Variants in FRMPD4 observed in about 807,000 individuals in gnomAD.
FRMPD4 encodes the protein FERM and PDZ domain containing 4.
A neutral mutation model predicts 94.1 loss-of-function variants in FRMPD4; 22 were observed. The ratio of observed to expected loss-of-function variants is 0.23; its 90% CI spans 0.17 to 0.33. The LOEUF is 0.33. FRMPD4 is among the 10% of genes least tolerant of loss of function. The probability of loss-of-function intolerance (pLI) is 1.00; values close to 1 mark genes in which losing one functional copy is unlikely to be tolerated. For synonymous variants in FRMPD4, 631 were observed against 548.6 expected, an observed-to-expected ratio of 1.15 and a Z score of -2.10; for missense variants, 1,111 against 1,339.9, an observed-to-expected ratio of 0.83 and a Z score of 2.67.
At chrX:12,036,893 TG>T (rs34124763) in intron 3 of FRMPD4, among the ~76,000 whole-genome samples, 2 of 112,276 alleles carry the variant, frequency 1.8e-5, no homozygotes, top group African/African-American at 3.2e-5. Flanking sequence ...CACGGTAATG[TG>T]GGGATTTTCA....
At chrX:12,233,833 G>A (rs1201308942) in intron 1 of FRMPD4, among the ~76,000 whole-genome samples, 1 of 111,085 alleles carries the variant, frequency 9.0e-6, no homozygotes, top group Non-Finnish European at 1.9e-5. Context: ...GGCAGGACTT[G>A]GCTTTCTTCC....
chrX:12,194,166 A>G (rs1335752590), intron 1 of FRMPD4, among the ~76,000 whole-genome samples: 1 of 110,889 alleles, frequency 9.0e-6, no homozygotes, highest in Non-Finnish European at 1.9e-5. Context: ...CAAGTTCAGG[A>G]GGGCCTGTGT....
chrX:11,960,490 T>A lies in FRMPD4; in HGVS notation c.95+82472T>A, dbSNP rs370457901. On this transcript the variant is annotated intron_variant, in intron 3 of 18. Transcript: ENST00000640291. ...GAAATCATTGTCAGTTATCTCAGTT[T>A]CCTGATGCAATTTTTTAAAGATTCT... 2.7e-5 allele frequency among the ~76,000 whole-genome samples: 3 copies of A among 112,215 alleles called. No individual in the cohort carries two copies. In the East Asian group the frequency reaches 8.4e-4, roughly 31 times the overall value.
At chrX:12,179,101 G>A (rs1488027328) in intron 1 of FRMPD4, among the ~76,000 whole-genome samples, 4 of 111,731 alleles carry the variant, frequency 3.6e-5, no homozygotes, top group African/African-American at 1.3e-4. Context: ...AGACTTGTTT[G>A]GCAATGGCTC....
chrX:12,558,337 C>T lies in FRMPD4; in HGVS notation c.159-51384C>T, dbSNP rs753740174. On this transcript the variant is annotated intron_variant, in intron 2 of 16. Transcript: ENST00000675598. ...GGAAGTGAAAAAGTATAGGGTCATGCCTAACAAGTCATTGATAAAAAGAAA... is the reference window on the plus strand; with the variant it reads ...GGAAGTGAAAAAGTATAGGGTCATGTCTAACAAGTCATTGATAAAAAGAAA... Among the ~76,000 whole-genome samples, 15 of 112,527 alleles carry T rather than the reference C, an allele frequency of 1.3e-4. 1 individual carries two copies. The South Asian group carries it at 5.5e-3, about 41-fold the overall frequency.
intron 14 of FRMPD4, among the ~76,000 whole-genome samples, chrX:12,710,776 C>T (rs183835206): frequency 5.8e-5 from 6 of 103,593 alleles, no homozygotes; most frequent in African/African-American, 8.5e-5. Flanking sequence ...CATAGTGGCA[C>T]GCACCTGTAA....
chrX:12,359,627 G>A (rs1274579589), intron 1 of FRMPD4, among the ~76,000 whole-genome samples: 5 of 110,045 alleles, frequency 4.5e-5, no homozygotes, highest in African/African-American at 1.7e-4. Flanking sequence ...GCGTCACCAT[G>A]CCCAGCTAAT....
intron 1 of FRMPD4, among the ~76,000 whole-genome samples, chrX:12,326,852 C>T (rs2055296434): frequency 9.0e-6 from 1 of 110,630 alleles, no homozygotes; most frequent in Admixed American, 9.7e-5. Context: ...GTAGTAGCTA[C>T]TCAGGAGGCT....
chrX:12,175,098 T>A (rs752811101), intron 1 of FRMPD4, among the ~76,000 whole-genome samples: 4 of 112,097 alleles, frequency 3.6e-5, no homozygotes, highest in Non-Finnish European at 7.5e-5. Flanking sequence ...TTAACAGGTA[T>A]ATAACATAGA....
chrX:12,244,126 G>GTTTT (rs1239712286), intron 1 of FRMPD4, among the ~76,000 whole-genome samples: 1 of 109,469 alleles, frequency 9.1e-6, no homozygotes, highest in African/African-American at 3.3e-5. Context: ...GTTTTGTTTT[G>GTTTT]TTTTTTATTT....
At chrX:12,660,911 G>A (rs1227961664) in intron 4 of FRMPD4, among the ~76,000 whole-genome samples, 1 of 111,803 alleles carries the variant, frequency 8.9e-6, no homozygotes, top group Non-Finnish European at 1.9e-5. Flanking sequence ...AGCTGCCATA[G>A]TGAAAGCTGG....
intron 1 of FRMPD4, among the ~76,000 whole-genome samples, chrX:12,433,317 T>C (rs1016063958): frequency 1.8e-5 from 2 of 112,108 alleles, no homozygotes; most frequent in Non-Finnish European, 3.8e-5. Flanking sequence ...GACGCAACAG[T>C]GCCTCACATT....
At chrX:12,594,447 A>T (rs1231300834) in intron 2 of FRMPD4, among the ~76,000 whole-genome samples, 6 of 109,890 alleles carry the variant, frequency 5.5e-5, no homozygotes, top group East Asian at 2.8e-4. Flanking sequence ...TTATTTATTT[A>T]TTTTTTGAGA....
chrX:11,922,431 T>G (rs1291179331), intron 3 of FRMPD4, among the ~76,000 whole-genome samples: 2 of 111,480 alleles, frequency 1.8e-5, no homozygotes, highest in Non-Finnish European at 3.8e-5. Context: ...ACCCCCATCA[T>G]CCAGTCACCT....
intron 3 of FRMPD4, among the ~76,000 whole-genome samples, chrX:11,894,826 T>G (rs1404302660): frequency 8.9e-6 from 1 of 111,920 alleles, no homozygotes; most frequent in Non-Finnish European, 1.9e-5. Flanking sequence ...GAACCACACG[T>G]GGCTAGCAAA....
chrX:12,124,808 C>G (rs1184288590), intron 3 of FRMPD4, among the ~76,000 whole-genome samples: 2 of 111,598 alleles, frequency 1.8e-5, no homozygotes, highest in Non-Finnish European at 3.8e-5. Context: ...AGAAGCTACA[C>G]CTGTGTGGCT....
chrX:12,669,154 C>G, intron 4 of FRMPD4, among the ~76,000 whole-genome samples: 1 of 111,831 alleles, frequency 8.9e-6, no homozygotes, highest in Non-Finnish European at 1.9e-5. Context: ...AGCAGACTCC[C>G]TCCCTTGCTG....
intron 1 of FRMPD4, among the ~76,000 whole-genome samples, chrX:12,166,162 A>G (rs773467377): frequency 1.5e-3 from 165 of 111,872 alleles, no homozygotes; most frequent in African/African-American, 5.0e-3. Context: ...GTTTTTGTCC[A>G]TTCAGTATGA....
chrX:11,975,722 G>C (rs2054363765), intron 3 of FRMPD4, among the ~76,000 whole-genome samples: 1 of 111,363 alleles, frequency 9.0e-6, no homozygotes, highest in African/African-American at 3.3e-5. Flanking sequence ...ACTTTACCTA[G>C]AGACTGCACA....
Sources: gnomAD v4.1 joint callset for allele counts (sites outside exome capture counted in the v4.1 genomes callset) on GRCh38, gnomAD v4.1.1 for gene constraint, MANE v1.5 for transcripts, NCBI Gene and HGNC (gene_info 2026-07-23, HGNC 2026-07-21) for gene names.